Variants in SASH1 observed in about 807,000 individuals in gnomAD.
The protein encoded by SASH1 is SAM and SH3 domain containing 1.
In SASH1, 44 loss-of-function variants were observed where a neutral mutation model predicts 125.2. That is an observed-to-expected ratio of 0.35 (90% CI 0.28 to 0.45). The LOEUF is 0.45. Among genes scored for constraint, SASH1 ranks in the 20% least tolerant of loss-of-function variants. The pLI is 1.00. For missense variants in SASH1, 1,426 were observed against 1,614.5 expected (o/e 0.88, Z 2.00); for synonymous variants, 639 against 649.1 (o/e 0.98, Z 0.24).
intron 7 of SASH1, among the ~76,000 whole-genome samples, chr6:148,478,313 G>T (rs1244165701): frequency 3.3e-5 from 5 of 152,084 alleles, no homozygotes; most frequent in Non-Finnish European, 7.4e-5. Flanking sequence ...AGAAAATGTG[G>T]TACATATACA....
chr6:148,327,538 C>T (rs891138584), intron 1 of SASH1, among the ~76,000 whole-genome samples: 4 of 151,478 alleles, frequency 2.6e-5, no homozygotes, highest in African/African-American at 9.7e-5. Context: ...CCGCCTTGGC[C>T]TCCCAAAGTT....
chr6:148,307,028 C>CT (rs201717574), intron 1 of SASH1, among the ~76,000 whole-genome samples: 1,985 of 18,190 alleles, frequency 0.11, 40 homozygotes, highest in African/African-American at 0.25. Flanking sequence ...TCTTTCTTTT[C>CT]TTTCTTTCTT....
chr6:148,204,763 C>A, the SASH1 span, among the ~76,000 whole-genome samples: 2 of 151,974 alleles, frequency 1.3e-5, no homozygotes, highest in Middle Eastern at 3.4e-3. Flanking sequence ...GTATCCAGAC[C>A]ATTTAGTAAA....
At chr6:148,452,897 A>C (rs1777173403) in intron 4 of SASH1, among the ~76,000 whole-genome samples, 1 of 152,236 alleles carries the variant, frequency 6.6e-6, no homozygotes, top group African/African-American at 2.4e-5. Flanking sequence ...AGGAAACAAC[A>C]GCTATTTTCA....
chr6:148,538,235 A>G (rs1350304406), intron 16 of SASH1, among the ~76,000 whole-genome samples: 1 of 152,196 alleles, frequency 6.6e-6, no homozygotes, highest in Non-Finnish European at 1.5e-5. Flanking sequence ...CAGGCACAGC[A>G]CATACTTCCA....
intron 4 of SASH1, among the ~76,000 whole-genome samples, chr6:148,464,943 T>A (rs1777767728): frequency 6.6e-6 from 1 of 152,148 alleles, no homozygotes; most frequent in Non-Finnish European, 1.5e-5. Context: ...TCTGCTGGCA[T>A]CCTGGGGAAG....
chr6:148,417,716 T>C (rs974577334), intron 2 of SASH1, among the ~76,000 whole-genome samples: 7 of 103,476 alleles, frequency 6.8e-5, no homozygotes, highest in Non-Finnish European at 1.3e-4. Context: ...AGTTTCCTCA[T>C]TGGTTTTTTT....
At chr6:148,337,152 G>A (rs551545711) in intron 1 of SASH1, among the ~76,000 whole-genome samples, 1 of 150,876 alleles carries the variant, frequency 6.6e-6, no homozygotes, top group Non-Finnish European at 1.5e-5. Context: ...TCCGCCTCTC[G>A]GGCTAAAGTG....
upstream of SASH1, among the ~76,000 whole-genome samples, chr6:148,270,746 A>G (rs1779042480): frequency 6.6e-6 from 1 of 152,108 alleles, no homozygotes. Flanking sequence ...ACCATCACTG[A>G]TATTAGAGGT....
At chr6:148,248,655 T>C in the SASH1 span, among the ~76,000 whole-genome samples, 1 of 152,230 alleles carries the variant, frequency 6.6e-6, no homozygotes, top group African/African-American at 2.4e-5. Flanking sequence ...TTGCAACATT[T>C]TCAACTTCAT....
At chr6:148,421,580 A>G (rs1164686086) in intron 2 of SASH1, among the ~76,000 whole-genome samples, 1 of 152,254 alleles carries the variant, frequency 6.6e-6, no homozygotes, top group East Asian at 1.9e-4. Context: ...CTGGGATTAC[A>G]GGCATGAGCC....
chr6:148,242,259 C>A, the SASH1 span, among the ~76,000 whole-genome samples: 9 of 152,152 alleles, frequency 5.9e-5, no homozygotes, highest in South Asian at 1.7e-3. Flanking sequence ...TTCAGAGAAA[C>A]AGAAAGGGTG....
chr6:148,533,154 G>A lies in SASH1; in HGVS notation c.1734+188G>A, dbSNP rs1222880137. On this transcript the variant is annotated intron_variant, in intron 14 of 19. Transcript: ENST00000367467. The surrounding 1 kb of genome is among the most constrained non-coding windows in gnomAD (Gnocchi z 6.2). ...GAACCAGCCAGCCCTCGAGGCAGAGGGAGGGTCTCGTGTTAATCCCTGGGT... is the reference window on the plus strand; with the variant it reads ...GAACCAGCCAGCCCTCGAGGCAGAGAGAGGGTCTCGTGTTAATCCCTGGGT... Among the ~76,000 whole-genome samples the A allele has an allele frequency of 1.3e-5, 2 of 152,094 alleles. No homozygotes were observed. The highest frequency in any genetic ancestry group is 2.9e-5 in the Non-Finnish European group (2 of 68,000).
In SASH1 at chr6:148,337,391, T is replaced by C. The variant is rs538174480; in HGVS notation, n.75-52743T>C. Among the ~76,000 whole-genome samples, 6 of 152,042 alleles carry C rather than the reference T, an allele frequency of 3.9e-5. No individual in the cohort carries two copies. In the South Asian group the frequency reaches 1.2e-3, roughly 32 times the overall value. ...GGCGCCCGCCACCACGCCTGGCAAA[T>C]TTTTTTGTATTTTTAGTAGAGATGG... On this transcript the variant is annotated intron_variant and non_coding_transcript_variant, in intron 1 of 3. Transcript: ENST00000367469.
chr6:148,245,968 AC>A, the SASH1 span, among the ~76,000 whole-genome samples: 2 of 151,632 alleles, frequency 1.3e-5, no homozygotes, highest in African/African-American at 4.8e-5. Flanking sequence ...GGGCGACAGA[AC>A]CAGACTCCGT....
intron 8 of SASH1, among the ~76,000 whole-genome samples, chr6:148,510,995 C>CAAAA (rs5880785): frequency 8.7e-6 from 1 of 115,362 alleles, no homozygotes; most frequent in Non-Finnish European, 1.8e-5. Flanking sequence ...GACTCCATCT[C>CAAAA]AAAAAAAAAA....
chr6:148,398,770 A>C (rs560030039), intron 2 of SASH1, among the ~76,000 whole-genome samples: 1 of 152,226 alleles, frequency 6.6e-6, no homozygotes, highest in African/African-American at 2.4e-5. Context: ...ATCTGTGGGC[A>C]TTAGATGGTG....
the SASH1 span, among the ~76,000 whole-genome samples, chr6:148,194,764 G>A: frequency 2.0e-5 from 3 of 152,166 alleles, no homozygotes; most frequent in Non-Finnish European, 2.9e-5. Context: ...AAAATTAGCC[G>A]GTTGTGGGGC....
intron 8 of SASH1, among the ~76,000 whole-genome samples, chr6:148,503,989 A>G (rs1366393543): frequency 1.3e-5 from 2 of 152,224 alleles, no homozygotes; most frequent in African/African-American, 2.4e-5. Context: ...CTACTAACAT[A>G]CAGATGTGGA....
Sources: gnomAD v4.1 joint callset for allele counts (sites outside exome capture counted in the v4.1 genomes callset) on GRCh38, gnomAD v4.1.1 for gene constraint, Gnocchi (gnomAD v3.1) non-coding constraint, MANE v1.5 for transcripts, NCBI Gene and HGNC (gene_info 2026-07-23, HGNC 2026-07-21) for gene names.